ZBTB38: variants seen among roughly 807,000 people sequenced by gnomAD.
ZBTB38 encodes the protein zinc finger and BTB domain containing 38, also known as zinc finger and BTB domain-containing protein 38.
ZBTB38 carries 20 observed loss-of-function variants against 76.8 expected under a neutral mutation model. That is an observed-to-expected ratio of 0.26 (90% CI 0.18 to 0.38). The LOEUF (loss-of-function observed/expected upper bound fraction) is 0.38. Ranked by LOEUF, ZBTB38 falls within the 10% of genes least tolerant of loss-of-function variation. ZBTB38 has a pLI of 1.00. For synonymous variants in ZBTB38, 504 were observed against 544.2 expected, an observed-to-expected ratio of 0.93 and a Z score of 1.03; for missense variants, 1,082 against 1,482.3, an observed-to-expected ratio of 0.73 and a Z score of 4.43.
intron 1 of ZBTB38, among the ~76,000 whole-genome samples, chr3:141,357,634 A>T (rs1475029836): frequency 6.6e-6 from 1 of 152,020 alleles, no homozygotes; most frequent in Non-Finnish European, 1.5e-5. Flanking sequence ...GGTTCAAGCG[A>T]TTCTCCTGCC....
chr3:141,339,475 A>G (rs1426365491), intron 1 of ZBTB38, among the ~76,000 whole-genome samples: 1 of 152,236 alleles, frequency 6.6e-6, no homozygotes, highest in Non-Finnish European at 1.5e-5. Context: ...GGAGACTACT[A>G]TAAAAATCCA....
At chr3:141,368,185 C>T (rs1444227694), upstream of ZBTB38, 1 of 152,486 alleles carries the variant, frequency 6.6e-6, no homozygotes, top group African/African-American at 2.4e-5. Context: ...CTTCTTCTTC[C>T]CTGCTTCTCT....
In ZBTB38 at chr3:141,447,557, T is replaced by A. The variant is rs2081191173; in HGVS notation, c.*1581T>A. 1 of 152,620 alleles carries A rather than the reference T, an allele frequency of 6.6e-6. No homozygotes were observed. The allele number at this position is 152,620 out of a possible 1,614,324, so 9.5% of individuals were successfully genotyped here. ...AGGGAGAGAGAAAACATTTCTACCCTTTGATCACCAGTGTGAACAGAATCC... is the reference window on the plus strand; with the variant it reads ...AGGGAGAGAGAAAACATTTCTACCCATTGATCACCAGTGTGAACAGAATCC... On this transcript the variant is annotated 3_prime_UTR_variant, in exon 6 of 6. Coordinates refer to ENST00000321464, the MANE Select transcript of ZBTB38 (RefSeq NM_001376113.1).
intron 2 of ZBTB38, among the ~76,000 whole-genome samples, chr3:141,374,359 A>G (rs1256183640): frequency 1.3e-5 from 2 of 152,110 alleles, no homozygotes; most frequent in Non-Finnish European, 2.9e-5. Flanking sequence ...GTTCACTGAA[A>G]CCTTTGAGGA....
Position 141,445,181 on chromosome 3 carries a change from G to A in ZBTB38, c.2793G>A (p.Leu931=). The change falls in exon 6 of 6, where the codon TTG becomes TTA. Residue 931 remains leucine (L), a synonymous_variant. Transcript: ENST00000321464. The surrounding 1 kb of genome is among the most constrained non-coding windows in gnomAD (Gnocchi z 6.5). ...NYKPKKKSRQ[L]KKMRKVNWRK... ...AACCCAAAAAGAAATCCAGACAGTT[G>A]AAAAAAATGAGGAAAGTCAACTGGA... 1 of 1,613,968 alleles carries A rather than the reference G, an allele frequency of 6.2e-7. No homozygotes were observed. The highest frequency in any genetic ancestry group is 8.5e-7 in the Non-Finnish European group (1 of 1,179,972).
chr3:141,406,723 A>G (rs1382484233), intron 5 of ZBTB38, among the ~76,000 whole-genome samples: 2 of 152,208 alleles, frequency 1.3e-5, no homozygotes, highest in African/African-American at 4.8e-5. Context: ...AGGGAAGCAG[A>G]TAGAAGTCTG....
chr3:141,331,131 T>C (rs1275386879), intron 1 of ZBTB38, among the ~76,000 whole-genome samples: 2 of 152,350 alleles, frequency 1.3e-5, no homozygotes, highest in Non-Finnish European at 2.9e-5. Flanking sequence ...GCTTATAAGA[T>C]CTTCAATTCC....
chr3:141,404,890 G>A (rs777292809), intron 5 of ZBTB38, among the ~76,000 whole-genome samples: 29 of 152,176 alleles, frequency 1.9e-4, no homozygotes, highest in Admixed American at 1.4e-3. Flanking sequence ...TAGGATGGAC[G>A]GTGCTTGCCA....
At chr3:141,331,574 A>G (rs755163655) in intron 1 of ZBTB38, among the ~76,000 whole-genome samples, 12 of 152,112 alleles carry the variant, frequency 7.9e-5, no homozygotes, top group Non-Finnish European at 1.2e-4. Flanking sequence ...CTCACACACA[A>G]ATGAGAAGGA....
At chr3:141,356,326 C>T (rs1943660692) in intron 1 of ZBTB38, among the ~76,000 whole-genome samples, 1 of 152,088 alleles carries the variant, frequency 6.6e-6, no homozygotes, top group African/African-American at 2.4e-5. Context: ...GGTGAGAAGA[C>T]AGACGGCTCT....
chr3:141,440,602 G>A (rs2079905289), intron 5 of ZBTB38, among the ~76,000 whole-genome samples: 1 of 152,204 alleles, frequency 6.6e-6, no homozygotes, highest in Non-Finnish European at 1.5e-5. Flanking sequence ...AGAGAGACTG[G>A]ATGAATCTCT....
At chr3:141,334,436 CCTTCCTTCTTTCCTTT>C (rs1478803312) in intron 1 of ZBTB38, among the ~76,000 whole-genome samples, 6 of 128,648 alleles carry the variant, frequency 4.7e-5, no homozygotes, top group Non-Finnish European at 9.9e-5. Flanking sequence ...TTCCTTCCTT[CCTTCCTTCTTTCCTTT>C]CTTCCTTCCT....
Position 141,384,392 on chromosome 3 carries a change from C to G in ZBTB38, c.-171-2480C>G, listed in dbSNP as rs550277039. 3.3e-5 allele frequency among the ~76,000 whole-genome samples: 5 copies of G among 152,244 alleles called. No homozygotes were observed. In the East Asian group the frequency reaches 9.6e-4, roughly 29 times the overall value. On this transcript the variant is annotated intron_variant, in intron 3 of 5. Transcript: ENST00000321464. ...TATTCCCGACAGAGGAGGCAGATGA[C>G]TTAGTTCTATGTGGTCAGAGTTGAT...
At chr3:141,338,702 G>A (rs1943085952) in intron 1 of ZBTB38, among the ~76,000 whole-genome samples, 1 of 152,040 alleles carries the variant, frequency 6.6e-6, no homozygotes, top group Non-Finnish European at 1.5e-5. Context: ...TACTATGCTT[G>A]TTACTTGGGT....
At chr3:141,385,317 G>T in intron 3 of ZBTB38, among the ~76,000 whole-genome samples, 1 of 145,660 alleles carries the variant, frequency 6.9e-6, no homozygotes, top group African/African-American at 2.5e-5. Context: ...AAAAATGTTG[G>T]CTTATGTCCA....
At chr3:141,395,458 AG>A (rs538434437) in intron 4 of ZBTB38, among the ~76,000 whole-genome samples, 105 of 152,366 alleles carry the variant, frequency 6.9e-4, no homozygotes, top group African/African-American at 2.4e-3. Flanking sequence ...TGCAGGAGCC[AG>A]TCTAAATCAA....
At chr3:141,350,640 G>T (rs1455847805) in intron 1 of ZBTB38, among the ~76,000 whole-genome samples, 4 of 152,120 alleles carry the variant, frequency 2.6e-5, no homozygotes, top group Non-Finnish European at 5.9e-5. Flanking sequence ...CTTTAGAAAG[G>T]ATGTATAGGT....
At chr3:141,346,793 T>C (rs1943373972) in intron 1 of ZBTB38, among the ~76,000 whole-genome samples, 1 of 148,374 alleles carries the variant, frequency 6.7e-6, no homozygotes, top group African/African-American at 2.6e-5. Flanking sequence ...TGTGTGTGTG[T>C]GTGTGTGTGT....
intron 1 of ZBTB38, among the ~76,000 whole-genome samples, chr3:141,346,782 TTGTGTGTG>T (rs56345431): frequency 0.03 from 4,350 of 144,666 alleles, 219 homozygotes; most frequent in African/African-American, 0.11. Context: ...TTGTTTTGTT[TTGTGTGTG>T]TGTGTGTGTG....
Sources: allele counts gnomAD v4.1 joint callset (sites outside exome capture counted in the v4.1 genomes callset), GRCh38; gene constraint gnomAD v4.1.1; non-coding constraint Gnocchi (gnomAD v3.1); transcripts MANE v1.5; gene names NCBI Gene and HGNC (gene_info 2026-07-23, HGNC 2026-07-21).